Variants in USP39 observed in about 807,000 individuals in gnomAD.
The protein encoded by USP39 is ubiquitin carboxyl-terminal hydrolase 39.
USP39 carries 38 observed loss-of-function variants against 66.4 expected under a neutral mutation model. The ratio of observed to expected loss-of-function variants is 0.57; its 90% CI spans 0.44 to 0.75. The LOEUF (loss-of-function observed/expected upper bound fraction) is 0.75, where lower values mean the gene tolerates loss of function less well. USP39 is among the 30% of genes least tolerant of loss of function. The pLI is 0.00. For missense variants in USP39, 608 were observed against 714.4 expected, an observed-to-expected ratio of 0.85 and a Z score of 1.70; for synonymous variants, 303 against 274.6, an observed-to-expected ratio of 1.10 and a Z score of -1.02.
intron 9 of USP39, 148 bp from the exon 10 acceptor site, chr2:85,640,828 T>A: frequency 1.4e-5 from 5 of 366,628 alleles, no homozygotes; most frequent in East Asian, 6.9e-5. Context: ...ATCCTAAGCC[T>A]CATACATAAT....
chr2:85,620,204 G>T (rs535633534), intron 2 of USP39, among the ~76,000 whole-genome samples: 1 of 151,844 alleles, frequency 6.6e-6, no homozygotes, highest in East Asian at 2.0e-4. Flanking sequence ...GTTATGGCCG[G>T]GTGCTCTGGC....
chr2:85,620,279 G>A (rs1047099883), intron 2 of USP39, among the ~76,000 whole-genome samples: 1 of 151,996 alleles, frequency 6.6e-6, no homozygotes, highest in Non-Finnish European at 1.5e-5. Flanking sequence ...TCAGGAGTTT[G>A]AGCATCCTGG....
upstream of USP39, chr2:85,612,486 G>A (rs1673628233): frequency 1.9e-6 from 2 of 1,042,080 alleles, no homozygotes; most frequent in Non-Finnish European, 2.8e-6. Flanking sequence ...TGGATTGTGA[G>A]GCCTTGAAGT....
intron 8 of USP39, among the ~76,000 whole-genome samples, chr2:85,638,547 T>C (rs1357323190): frequency 6.6e-6 from 1 of 151,994 alleles, no homozygotes; most frequent in Non-Finnish European, 1.5e-5. Flanking sequence ...TTAATTTATT[T>C]ATTTTATTGA....
At chr2:85,628,848 T>A (rs573124842) in intron 5 of USP39, among the ~76,000 whole-genome samples, 1 of 152,202 alleles carries the variant, frequency 6.6e-6, no homozygotes, top group African/African-American at 2.4e-5. Flanking sequence ...CCTAATCCCC[T>A]CTGTGGTTAA....
intron 4 of USP39, among the ~76,000 whole-genome samples, chr2:85,625,071 G>C (rs553816824): frequency 6.6e-6 from 1 of 152,204 alleles, no homozygotes; most frequent in Non-Finnish European, 1.5e-5. Context: ...GTGACATAAT[G>C]ACTGTGGTAA....
At chr2:85,647,671 AAAC>A (rs1267268070) in intron 11 of USP39, among the ~76,000 whole-genome samples, 9 of 151,996 alleles carry the variant, frequency 5.9e-5, no homozygotes, top group Non-Finnish European at 1.0e-4. Flanking sequence ...AAAAAAAAAA[AAAC>A]AAAAAAACAA....
At chr2:85,613,772 A>AT (rs201185317), upstream of USP39, among the ~76,000 whole-genome samples, 8,865 of 151,464 alleles carry the variant, frequency 0.059, 377 homozygotes, top group Non-Finnish European at 0.094. Flanking sequence ...GATTCTTTAA[A>AT]TTTTTTTTTA....
intron 2 of USP39, chr2:85,621,137 A>G (rs1354108167): frequency 1.1e-5 from 2 of 174,250 alleles, no homozygotes; most frequent in Non-Finnish European, 2.5e-5. Context: ...CACCCTTTTT[A>G]TGTCCTCTCC....
At chr2:85,647,866 C>CT in intron 11 of USP39, 64 bp from the exon 12 acceptor site, 2 of 1,505,842 alleles carry the variant, frequency 1.3e-6, no homozygotes, top group Non-Finnish European at 1.8e-6. Context: ...GGCTATGATC[C>CT]TTTCCTTCTA....
At chr2:85,648,081 G>T (rs946657627) in intron 12 of USP39, 65 bp downstream of exon 12, 3 of 1,550,768 alleles carry the variant, frequency 1.9e-6, no homozygotes, top group Non-Finnish European at 2.7e-6. Flanking sequence ...AGAGGAGTGG[G>T]CCAAGGCAGG....
At chr2:85,631,058 A>C (rs561830152) in intron 6 of USP39, 112 bp downstream of exon 6, 1 of 960,548 alleles carries the variant, frequency 1.0e-6, no homozygotes, top group Non-Finnish European at 1.6e-6. Flanking sequence ...TCTGTCACCC[A>C]GGCTGGAGTA....
chr2:85,615,683 T>A (rs951740520), upstream of USP39, among the ~76,000 whole-genome samples: 2 of 152,120 alleles, frequency 1.3e-5, no homozygotes, highest in Non-Finnish European at 2.9e-5. Context: ...CAGGCTGGAG[T>A]GCAATGGCGC....
At chr2:85,614,508 T>C (rs1673783487), upstream of USP39, among the ~76,000 whole-genome samples, 1 of 152,094 alleles carries the variant, frequency 6.6e-6, no homozygotes, top group Non-Finnish European at 1.5e-5. Flanking sequence ...AGCAAGACTC[T>C]GTATCAAAAA....
At chr2:85,633,899 G>A (rs962785003) in intron 6 of USP39, among the ~76,000 whole-genome samples, 22 of 138,650 alleles carry the variant, frequency 1.6e-4, no homozygotes, top group African/African-American at 5.7e-4. Flanking sequence ...GTGCAGTGGC[G>A]GGATCTCGGC....
At chr2:85,615,370 A>G (rs1260376518), upstream of USP39, among the ~76,000 whole-genome samples, 3 of 152,124 alleles carry the variant, frequency 2.0e-5, no homozygotes, top group East Asian at 1.9e-4. Context: ...TTATACCTCA[A>G]TGGAACGGTT....
At chr2:85,617,185 C>G (rs1024622158) in intron 1 of USP39, among the ~76,000 whole-genome samples, 1 of 139,892 alleles carries the variant, frequency 7.1e-6, no homozygotes, top group African/African-American at 2.7e-5. Context: ...AACTCCTGGA[C>G]TCAAGTGTTC....
At chr2:85,641,907 T>TAAAAAAAA (rs759697072) in intron 10 of USP39, among the ~76,000 whole-genome samples, 5 of 91,288 alleles carry the variant, frequency 5.5e-5, no homozygotes, top group Non-Finnish European at 1.1e-4. Context: ...GTGACTGTGC[T>TAAAAAAAA]AAAAAAAAAA....
intron 6 of USP39, 101 bp downstream of exon 6, chr2:85,631,047 C>T: frequency 9.4e-7 from 1 of 1,060,576 alleles, no homozygotes; most frequent in Non-Finnish European, 1.4e-6. Flanking sequence ...TGGAGTCTCA[C>T]TCTGTCACCC....
Sources: allele counts gnomAD v4.1 joint callset (sites outside exome capture counted in the v4.1 genomes callset), GRCh38; gene constraint gnomAD v4.1.1; transcripts MANE v1.5; gene names NCBI Gene and HGNC (gene_info 2026-07-23, HGNC 2026-07-21).